SINHCAF: variants seen among roughly 807,000 people sequenced by gnomAD.
SINHCAF encodes the protein SIN3-HDAC complex-associated factor.
SINHCAF carries 3 observed loss-of-function variants against 25.8 expected under a neutral mutation model. That is an observed-to-expected ratio of 0.12 (90% CI 0.05 to 0.30). SINHCAF has a LOEUF of 0.30. SINHCAF is among the 10% of genes least tolerant of loss of function. SINHCAF has a pLI of 1.00. For missense variants in SINHCAF, 121 were observed against 262.3 expected, an observed-to-expected ratio of 0.46 and a Z score of 3.72; for synonymous variants, 70 against 85.5, an observed-to-expected ratio of 0.82 and a Z score of 1.00.
intron 1 of SINHCAF, among the ~76,000 whole-genome samples, chr12:31,321,016 T>C (rs886322105): frequency 3.9e-5 from 6 of 152,242 alleles, no homozygotes; most frequent in Non-Finnish European, 7.3e-5. Flanking sequence ...TACTTGAATA[T>C]GTAACAGCGG....
intron 1 of SINHCAF, chr12:31,303,278 G>C: frequency 1.1e-6 from 1 of 937,492 alleles, no homozygotes; most frequent in Non-Finnish European, 1.3e-6. Context: ...GAACACAAAT[G>C]ATCATACTTC....
rs542933681 is a variant in SINHCAF, at chr12:31,280,902, A to T, written c.*1810T>A. ...AACTCAGGAGGATGATAATGGCTGG[A>T]CTTTTGTAATTCACCTCAAAGACTG... On this transcript the variant is annotated 3_prime_UTR_variant, in exon 6 of 6. Transcript: ENST00000337682. 1 of 152,394 alleles carries T rather than the reference A, an allele frequency of 6.6e-6. No homozygotes were observed. The highest frequency in any genetic ancestry group is 2.1e-4 in the South Asian group (1 of 4,832). 9.4% of individuals were successfully genotyped at this position (152,394 alleles called of 1,614,324 possible). A position where few individuals can be genotyped will look rare whatever the true frequency, so the allele number is the denominator to read the frequency against.
At chr12:31,319,488 C>G (rs1254685415) in intron 1 of SINHCAF, among the ~76,000 whole-genome samples, 2 of 152,208 alleles carry the variant, frequency 1.3e-5, no homozygotes, top group Non-Finnish European at 2.9e-5. Flanking sequence ...GATCGCACCA[C>G]TGAACTCCAG....
At chr12:31,305,991 G>A (rs752346197) in intron 1 of SINHCAF, among the ~76,000 whole-genome samples, 7 of 152,136 alleles carry the variant, frequency 4.6e-5, no homozygotes, top group Admixed American at 1.3e-4. Flanking sequence ...GAGCCACTGC[G>A]CCCAGCCCCA....
intron 1 of SINHCAF, among the ~76,000 whole-genome samples, chr12:31,301,779 C>G (rs1261883409): frequency 6.6e-6 from 1 of 151,950 alleles, no homozygotes; most frequent in Non-Finnish European, 1.5e-5. Flanking sequence ...CTACTTAATC[C>G]CTAGAGCAAA....
intron 1 of SINHCAF, chr12:31,303,955 G>C (rs1938917563): frequency 1.3e-5 from 2 of 152,008 alleles, no homozygotes; most frequent in South Asian, 2.1e-4. Flanking sequence ...CCGAGGTGTC[G>C]ATGTAAGTGC....
In SINHCAF at chr12:31,325,985, A is replaced by T. The variant is rs1345298634; in HGVS notation, c.-21+39T>A. 6.6e-6 allele frequency: 1 copy of T among 151,598 alleles called. No individual in the cohort carries two copies. The allele number at this position is 151,598 out of a possible 1,614,324, so 9.4% of individuals were successfully genotyped here. A position where few individuals can be genotyped will look rare whatever the true frequency, so the allele number is the denominator to read the frequency against. On this transcript the variant is annotated intron_variant, in intron 1 of 5. Transcript: ENST00000337682. The surrounding 1 kb of genome is among the most constrained non-coding windows in gnomAD (Gnocchi z 5.9). ...AAAACACTGAAATCAAAGCCTCGTG[A>T]GACAGTTTTGCACTAGAAGCATGGT...
chr12:31,293,659 T>C, intron 4 of SINHCAF, 146 bp downstream of exon 4: 1 of 624,082 alleles, frequency 1.6e-6, no homozygotes, highest in Non-Finnish European at 2.6e-6. Context: ...AGAAATAAGA[T>C]AACATCTCTA....
chr12:31,285,418 T>TATACACACAC (rs1555110957), intron 5 of SINHCAF, among the ~76,000 whole-genome samples: 105 of 141,442 alleles, frequency 7.4e-4, no homozygotes, highest in African/African-American at 2.5e-3. Context: ...TATATATACA[T>TATACACACAC]ACACACACAC....
In SINHCAF at chr12:31,282,732, T is replaced by C. The variant is rs748820614; in HGVS notation, c.646A>G (p.Ile216Val). The C allele has an allele frequency of 6.3e-6, 10 of 1,594,952 alleles. No individual in the cohort carries two copies. The highest frequency in any genetic ancestry group is 1.9e-5 in the Admixed American group (1 of 54,000). ...CTCAGTCACCACTCCTGAGTGGAGATGGGCAGAGGCTCTGGCCCCTGCTCC... is the reference window on the plus strand; with the variant it reads ...CTCAGTCACCACTCCTGAGTGGAGACGGGCAGAGGCTCTGGCCCCTGCTCC... ...PEEQGPEPLPISTQEW is the reference protein window; with the variant it reads ...PEEQGPEPLPVSTQEW Residue 216 changes from isoleucine (I) to valine (V), a missense_variant, in exon 6 of 6, where the codon ATC (isoleucine) becomes GTC (valine). By Grantham distance (29) the Ile-to-Val change is conservative (BLOSUM62 3). Transcript: ENST00000337682.
chr12:31,295,682 C>A (rs1278840524), intron 2 of SINHCAF, among the ~76,000 whole-genome samples: 1 of 151,946 alleles, frequency 6.6e-6, no homozygotes. Context: ...CCAGCCTGGC[C>A]AACATGACAA....
At chr12:31,311,519 C>CGGGCACACACGCTGCTGGTACT in intron 1 of SINHCAF, 1 of 217,496 alleles carries the variant, frequency 4.6e-6, no homozygotes, top group Admixed American at 5.5e-5. Flanking sequence ...CCAGGCAGGC[C>CGGGCACACACGCTGCTGGTACT]GGGCACACAC....
intron 2 of SINHCAF, 60 bp downstream of exon 2, chr12:31,298,017 T>C (rs1435256039): frequency 4.7e-6 from 7 of 1,501,218 alleles, no homozygotes; most frequent in Non-Finnish European, 6.4e-6. Flanking sequence ...CTTACAAATA[T>C]TTCTGTATGC....
chr12:31,313,027 CTT>C (rs1939339916), intron 1 of SINHCAF, among the ~76,000 whole-genome samples: 1 of 152,030 alleles, frequency 6.6e-6, no homozygotes, highest in Admixed American at 6.6e-5. Flanking sequence ...AAAGATCACT[CTT>C]TTCTTTTTTT....
Position 31,285,797 on chromosome 12 carries a change from G to A in SINHCAF, c.506+1837C>T, listed in dbSNP as rs577291841. 6.6e-5 allele frequency among the ~76,000 whole-genome samples: 10 copies of A among 152,086 alleles called. No homozygotes were observed. In the South Asian group the frequency reaches 8.3e-4, roughly 13 times the overall value. On this transcript the variant is annotated intron_variant, in intron 5 of 5. Coordinates refer to ENST00000337682, the MANE Select transcript of SINHCAF (RefSeq NM_001135812.2). ...TCAAGACCAGCCTGGCCAATATGGCGAAACCCCATCTCTACTAAAATACAA... is the reference window on the plus strand; with the variant it reads ...TCAAGACCAGCCTGGCCAATATGGCAAAACCCCATCTCTACTAAAATACAA...
Position 31,325,850 on chromosome 12 carries a change from T to C in SINHCAF, c.-21+174A>G, listed in dbSNP as rs1939955915. The C allele has an allele frequency of 6.6e-6, 1 of 151,330 alleles. No individual in the cohort carries two copies. Among genetic ancestry groups the C allele is most frequent in the Non-Finnish European group, 1.5e-5 (1 of 68,006 alleles). The allele number at this position is 151,330 out of a possible 1,614,324, so 9.4% of individuals were successfully genotyped here. A position where few individuals can be genotyped will look rare whatever the true frequency, so the allele number is the denominator to read the frequency against. On this transcript the variant is annotated intron_variant, in intron 1 of 5. Transcript: ENST00000337682. This position sits in a 1 kb window ranked among gnomAD's most constrained non-coding sequence, Gnocchi z 5.9. ...CACGAGCGTACCAAAGAACCTGGGGTCTGAAGATCACGAAAACAGCGCTCC... is the reference window on the plus strand; with the variant it reads ...CACGAGCGTACCAAAGAACCTGGGGCCTGAAGATCACGAAAACAGCGCTCC...
At chr12:31,295,833 C>T (rs1938525261) in intron 2 of SINHCAF, among the ~76,000 whole-genome samples, 1 of 151,664 alleles carries the variant, frequency 6.6e-6, no homozygotes, top group African/African-American at 2.4e-5. Flanking sequence ...GATTGTACCA[C>T]TGCACTCCAG....
chr12:31,309,018 C>A (rs1204720105), intron 1 of SINHCAF, among the ~76,000 whole-genome samples: 2 of 151,184 alleles, frequency 1.3e-5, no homozygotes, highest in African/African-American at 4.9e-5. Context: ...ATCCTAGCTA[C>A]CTGGCAGGCT....
intron 1 of SINHCAF, among the ~76,000 whole-genome samples, chr12:31,317,073 GTTTTTTAATATTCAAAAGTACC>G (rs1249265780): frequency 2.6e-5 from 4 of 152,022 alleles, no homozygotes; most frequent in African/African-American, 9.7e-5. Flanking sequence ...GAAGTAAAGC[GTTTTTTAATATTCAAAAGTACC>G]TTTCAAAACT....
Sources: gnomAD v4.1 joint callset for allele counts (sites outside exome capture counted in the v4.1 genomes callset) on GRCh38, gnomAD v4.1.1 for gene constraint, Gnocchi (gnomAD v3.1) non-coding constraint, MANE v1.5 for transcripts, NCBI Gene and HGNC (gene_info 2026-07-23, HGNC 2026-07-21) for gene names.